The following COL9A1 variants were observed in gnomAD, a reference collection of about 807,000 sequenced individuals.
The protein encoded by COL9A1 is collagen alpha-1(IX) chain.
COL9A1 carries 104 observed loss-of-function variants against 142.6 expected under a neutral mutation model. That is an observed-to-expected ratio of 0.73 (90% CI 0.62 to 0.86). The LOEUF (loss-of-function observed/expected upper bound fraction) is 0.86. Ranked by LOEUF, COL9A1 falls within the 40% of genes least tolerant of loss-of-function variation. The pLI is 0.00. For synonymous variants in COL9A1, 466 were observed against 396.0 expected, an observed-to-expected ratio of 1.18 and a Z score of -2.10; for missense variants, 1,210 against 1,176.6, an observed-to-expected ratio of 1.03 and a Z score of -0.42.
intron 33 of COL9A1, among the ~76,000 whole-genome samples, chr6:70,237,828 C>T (rs547495061): frequency 4.6e-5 from 7 of 152,180 alleles, no homozygotes; most frequent in African/African-American, 1.7e-4. Context: ...TTCATCTCTG[C>T]GGTTTGCAAA....
At chr6:70,225,157 C>A (rs987540956) in intron 37 of COL9A1, among the ~76,000 whole-genome samples, 2 of 152,204 alleles carry the variant, frequency 1.3e-5, no homozygotes, top group Non-Finnish European at 2.9e-5. Flanking sequence ...TGCCTCCCCA[C>A]AATAAGAGAG....
At chr6:70,293,301 C>A (rs796854451) in intron 5 of COL9A1, among the ~76,000 whole-genome samples, 2 of 152,232 alleles carry the variant, frequency 1.3e-5, no homozygotes, top group Non-Finnish European at 2.9e-5. Context: ...TTTCTAAATT[C>A]CTATCATAAT....
chr6:70,234,896 A>T lies in COL9A1; in HGVS notation c.2157T>A (p.Ser719Arg). 7.1e-6 allele frequency: 11 copies of T among 1,549,184 alleles called. No individual in the cohort carries two copies. The highest frequency in any genetic ancestry group is 9.8e-6 in the Non-Finnish European group (11 of 1,121,246). Reference protein sequence around the residue: ...GEPGLRGPEGSRGLPGVEGPR... With the variant: ...GEPGLRGPEGRRGLPGVEGPR... ...GTCCTTCCACTCCAGGAAGCCCCCG[A>T]CTTCCCTCAGGCCCTCTCAAGCCAG... is the stretch of plus-strand genomic sequence containing the variant. Residue 719 changes from serine to arginine, a missense_variant, in exon 34 of 38, where the codon AGT (serine) becomes AGA (arginine). Coordinates refer to ENST00000357250, the MANE Select transcript of COL9A1 (RefSeq NM_001851.6).
rs917381085 is a variant in COL9A1, at chr6:70,283,122, C to T, written c.781-204G>A. ...GTTCCCCTCTAGGCTTCCAGACCCG[C>T]CACTAGCATAGGTGGCACTTCGTCC... On this transcript the variant is annotated intron_variant, in intron 6 of 37. Transcript: ENST00000357250. 7.2e-6 allele frequency: 11 copies of T among 1,536,888 alleles called. No homozygotes were observed. In the African/African-American group the frequency reaches 1.4e-4, roughly 19 times the overall value.
intron 18 of COL9A1, among the ~76,000 whole-genome samples, chr6:70,265,277 G>A (rs11754328): frequency 0.037 from 5,633 of 152,084 alleles, 210 homozygotes; most frequent in East Asian, 0.15. Flanking sequence ...CCTGTGGGAT[G>A]GGGGAGTGAA....
rs576416159 is a variant in COL9A1, at chr6:70,267,383, C to T, written c.1288-613G>A. On this transcript the variant is annotated intron_variant, in intron 17 of 37. Transcript: ENST00000357250. ...TGTTGCTCAGGCTGGAGTGCAATGG[C>T]GCGACCTCTGCTCACCGCAACCTCC... 5.8e-5 allele frequency among the ~76,000 whole-genome samples: 8 copies of T among 138,666 alleles called. No homozygotes were observed. In the East Asian group the frequency reaches 8.4e-4, roughly 15 times the overall value. The allele number at this position is 138,666 out of a possible 152,430, so 91.0% of individuals were successfully genotyped here. A position where few individuals can be genotyped will look rare whatever the true frequency, so the allele number is the denominator to read the frequency against.
chr6:70,294,264 C>A lies in COL9A1; in HGVS notation c.599G>T (p.Arg200Met), dbSNP rs1773763473. 5.0e-6 allele frequency: 8 copies of A among 1,614,086 alleles called. No homozygotes were observed. Among genetic ancestry groups the A allele is most frequent in the Admixed American group, 1.7e-5 (1 of 60,016 alleles). The change falls in exon 5 of 38, where the codon AGG becomes ATG. Residue 200 changes from arginine (R) to methionine (M), a missense_variant. Physicochemically the swap from Arg to Met is moderately conservative, Grantham distance 91 (BLOSUM62 -1). Coordinates refer to ENST00000357250, the MANE Select transcript of COL9A1 (RefSeq NM_001851.6). ...TGGCTTTATAGGTAAAGATTCAATC[C>A]TGTTGCAGTCAACAAAAAGAGTAGC... ...SSATLFVDCNRIESLPIKPRG... is the reference protein window; with the variant it reads ...SSATLFVDCNMIESLPIKPRG...
chr6:70,264,021 A>G (rs983866876), intron 18 of COL9A1, among the ~76,000 whole-genome samples: 3 of 151,882 alleles, frequency 2.0e-5, no homozygotes, highest in African/African-American at 7.2e-5. Flanking sequence ...CTCTCCACAC[A>G]GTTTTCAAAA....
In COL9A1 at chr6:70,252,740, A is replaced by G. The variant is rs557351337; in HGVS notation, c.1765-425T>C. The stretch of plus-strand genomic sequence containing the variant: ...CATGGGGAAATAGGATATGCTGCTG[A>G]GAAAGCCCCGTCAGCAAGCTCTAGG... On this transcript the variant is annotated intron_variant, in intron 26 of 37. Coordinates refer to ENST00000357250, the MANE Select transcript of COL9A1 (RefSeq NM_001851.6). 6.6e-5 allele frequency among the ~76,000 whole-genome samples: 10 copies of G among 152,314 alleles called. No homozygotes were observed. The South Asian group carries it at 2.1e-3, about 32-fold the overall frequency.
chr6:70,293,986 G>A (rs1773751667), intron 5 of COL9A1, among the ~76,000 whole-genome samples, 181 bp downstream of exon 5: 1 of 152,140 alleles, frequency 6.6e-6, no homozygotes, highest in Non-Finnish European at 1.5e-5. Context: ...CACTAGGTGG[G>A]CATGTAACAC....
At chr6:70,260,633 A>G in intron 20 of COL9A1, 24 bp downstream of exon 20, 1 of 1,606,894 alleles carries the variant, frequency 6.2e-7, no homozygotes, top group Non-Finnish European at 8.5e-7. Context: ...TTTTGGTATT[A>G]TATTATTGTC....
chr6:70,240,684 C>A lies in COL9A1; in HGVS notation c.2079+5G>T. On this transcript the variant is annotated splice_donor_5th_base_variant and intron_variant, in intron 32 of 37. Transcript: ENST00000357250. ...TCATCATTAACCAGAAAAAAAAAAT[C>A]TTACAAGTTCCCCCCTTTCTCCTGC... 3 of 1,609,532 alleles carry A rather than the reference C, an allele frequency of 1.9e-6. No individual in the cohort carries two copies. Among genetic ancestry groups the A allele is most frequent in the Non-Finnish European group, 2.5e-6 (3 of 1,177,054 alleles).
chr6:70,223,661 A>C (rs1034840608), intron 37 of COL9A1, among the ~76,000 whole-genome samples: 1 of 152,190 alleles, frequency 6.6e-6, no homozygotes, highest in Non-Finnish European at 1.5e-5. Flanking sequence ...TCACCTGCGC[A>C]CTACACGAGG....
chr6:70,254,333 CA>C lies in COL9A1; in HGVS notation c.1719+142del, dbSNP rs1771130823. ...GAGAAAAAGTATAAAATATAAAATA[CA>C]AATGTAAATTGTAAAAATGTAAAAG... is the stretch of plus-strand genomic sequence containing the variant. On this transcript the variant is annotated intron_variant, in intron 25 of 37. Coordinates refer to ENST00000357250, the MANE Select transcript of COL9A1 (RefSeq NM_001851.6). The C allele has an allele frequency of 1.0e-5, 7 of 679,010 alleles. No individual in the cohort carries two copies. In the East Asian group the frequency reaches 1.7e-4, roughly 17 times the overall value. The allele number at this position is 679,010 out of a possible 1,614,324, so 42.1% of individuals were successfully genotyped here. A position where few individuals can be genotyped will look rare whatever the true frequency, so the allele number is the denominator to read the frequency against.
At chr6:70,299,967 C>T (rs965943657) in intron 4 of COL9A1, 76 bp downstream of exon 4, 5 of 1,397,004 alleles carry the variant, frequency 3.6e-6, no homozygotes, top group Non-Finnish European at 4.0e-6. Context: ...CATAAGAAAA[C>T]TCTAACATTG....
At chr6:70,284,269 A>T (rs1773350991) in intron 5 of COL9A1, among the ~76,000 whole-genome samples, 1 of 151,998 alleles carries the variant, frequency 6.6e-6, no homozygotes, top group African/African-American at 2.4e-5. Flanking sequence ...TAGATGGGAG[A>T]TTAGAGACAG....
chr6:70,232,786 A>C lies in COL9A1; in HGVS notation c.2315-15T>G. 1 of 1,603,382 alleles carries C rather than the reference A, an allele frequency of 6.2e-7. No homozygotes were observed. Among genetic ancestry groups the C allele is most frequent in the South Asian group, 1.1e-5 (1 of 90,186 alleles). ...AGCAAAATGTTCTAAAAGAGAATAA[A>C]CAAAACAACCCAGAAGTGTCAGAAA... On this transcript the variant is annotated splice_polypyrimidine_tract_variant and intron_variant, in intron 35 of 37. Coordinates refer to ENST00000357250, the MANE Select transcript of COL9A1 (RefSeq NM_001851.6).
intron 37 of COL9A1, among the ~76,000 whole-genome samples, chr6:70,222,137 G>A (rs1052807297): frequency 1.3e-5 from 2 of 152,098 alleles, no homozygotes; most frequent in African/African-American, 4.8e-5. Flanking sequence ...GTCAGGACAT[G>A]AATTTAAGAG....
chr6:70,281,674 G>C (rs1368417956), intron 7 of COL9A1, among the ~76,000 whole-genome samples: 1 of 152,160 alleles, frequency 6.6e-6, no homozygotes, highest in Non-Finnish European at 1.5e-5. Context: ...TGTGGGGCTA[G>C]AGCAGGATTG....
Sources: allele counts gnomAD v4.1 joint callset (sites outside exome capture counted in the v4.1 genomes callset), GRCh38; gene constraint gnomAD v4.1.1; transcripts MANE v1.5; gene names NCBI Gene and HGNC (gene_info 2026-07-23, HGNC 2026-07-21).